The following GRM5 variants were observed in gnomAD, a reference collection of about 807,000 sequenced individuals.
GRM5 encodes glutamate metabotropic receptor 5, also known as metabotropic glutamate receptor 5.
GRM5 carries 19 observed loss-of-function variants against 83.1 expected under a neutral mutation model. The ratio of observed to expected loss-of-function variants is 0.23; its 90% CI spans 0.16 to 0.34. The LOEUF (loss-of-function observed/expected upper bound fraction) is 0.34. GRM5 is among the 10% of genes least tolerant of loss of function. The pLI is 1.00. For missense variants in GRM5, 1,160 were observed against 1,588.3 expected (o/e 0.73, Z 4.58); for synonymous variants, 675 against 633.6 (o/e 1.07, Z -0.98).
chr11:88,778,827 T>C (rs1942914982), intron 3 of GRM5, among the ~76,000 whole-genome samples: 1 of 152,172 alleles, frequency 6.6e-6, no homozygotes, highest in Non-Finnish European at 1.5e-5. Context: ...GAGAAGAGTT[T>C]TTTCAAGTTA....
At position 88,698,785 on chromosome 11, in the gene GRM5, T is replaced by C. The variant is rs199679632; in HGVS notation, c.912-45382A>G. Among the ~76,000 whole-genome samples, 621 of 152,324 alleles carry C rather than the reference T, an allele frequency of 4.1e-3. 13 individuals are homozygous for C. In the East Asian group the frequency reaches 0.062, roughly 15 times the overall value. On this transcript the variant is annotated intron_variant, in intron 3 of 9. Coordinates refer to ENST00000305447, the MANE Select transcript of GRM5 (RefSeq NM_001143831.3). ...TGGTCAAATTTTCAGGTCTTGGCAT[T>C]GCTCCTGGTACAGAGAAGACATCCA...
chr11:88,848,113 T>C (rs752297895), intron 3 of GRM5, among the ~76,000 whole-genome samples: 15 of 152,328 alleles, frequency 9.8e-5, no homozygotes, highest in Non-Finnish European at 1.8e-4. Flanking sequence ...TTATTTTTAC[T>C]GCAGTGGTAA....
At chr11:88,747,928 C>A (rs1424598746) in intron 3 of GRM5, among the ~76,000 whole-genome samples, 1 of 152,114 alleles carries the variant, frequency 6.6e-6, no homozygotes, top group Non-Finnish European at 1.5e-5. Context: ...GAATTCAGCA[C>A]CTTCGACTGA....
At chr11:88,819,355 T>C (rs1943746542) in intron 3 of GRM5, among the ~76,000 whole-genome samples, 1 of 152,230 alleles carries the variant, frequency 6.6e-6, no homozygotes, top group Non-Finnish European at 1.5e-5. Flanking sequence ...GCAGTAGATA[T>C]GCTACTGAAG....
chr11:88,870,719 T>C (rs1944752010), intron 2 of GRM5, among the ~76,000 whole-genome samples: 2 of 151,356 alleles, frequency 1.3e-5, no homozygotes, highest in South Asian at 4.2e-4. Flanking sequence ...AAAACGACAT[T>C]TTGGACTCAA....
chr11:89,013,494 T>A (rs930514350), intron 2 of GRM5, among the ~76,000 whole-genome samples: 3 of 152,182 alleles, frequency 2.0e-5, no homozygotes, highest in Non-Finnish European at 4.4e-5. Context: ...TTGGTCAGAA[T>A]CCTGATGGTG....
intron 5 of GRM5, among the ~76,000 whole-genome samples, chr11:88,602,198 A>G (rs1938018774): frequency 6.6e-6 from 1 of 152,078 alleles, no homozygotes; most frequent in Non-Finnish European, 1.5e-5. Flanking sequence ...CAATGTGAAT[A>G]TTCGTATGTT....
chr11:88,720,395 C>T (rs993797714), intron 3 of GRM5, among the ~76,000 whole-genome samples: 1 of 152,014 alleles, frequency 6.6e-6, no homozygotes, highest in South Asian at 2.1e-4. Flanking sequence ...CATTTTATTA[C>T]ATATAAATAA....
intron 4 of GRM5, among the ~76,000 whole-genome samples, chr11:88,644,467 A>C (rs1231965736): frequency 6.6e-6 from 1 of 152,192 alleles, no homozygotes; most frequent in Non-Finnish European, 1.5e-5. Flanking sequence ...AATTTAATGG[A>C]GAAAGATGAA....
At chr11:88,624,885 C>G (rs1938748688) in intron 4 of GRM5, among the ~76,000 whole-genome samples, 1 of 152,066 alleles carries the variant, frequency 6.6e-6, no homozygotes, top group African/African-American at 2.4e-5. Context: ...TTCCTCTGTG[C>G]TAGAGACAGA....
chr11:89,057,021 A>G (rs1437794231), intron 1 of GRM5, among the ~76,000 whole-genome samples: 2 of 152,206 alleles, frequency 1.3e-5, no homozygotes, highest in Non-Finnish European at 2.9e-5. Context: ...TGCAATCTAC[A>G]CTATATAATC....
Position 88,809,619 on chromosome 11 carries a change from A to T in GRM5, c.911+40287T>A, listed in dbSNP as rs148993888. On this transcript the variant is annotated intron_variant, in intron 3 of 9. Transcript: ENST00000305447. Reference sequence around the variant, plus strand: ...ACCAAGTTAATGACTGGTAAAGATAATAAACATACACTTGGGCAATTTGGG... The same window carrying T: ...ACCAAGTTAATGACTGGTAAAGATATTAAACATACACTTGGGCAATTTGGG... Among the ~76,000 whole-genome samples, 6 of 152,214 alleles carry T rather than the reference A, an allele frequency of 3.9e-5. No individual in the cohort carries two copies. In the East Asian group the frequency reaches 1.2e-3, roughly 29 times the overall value.
intron 9 of GRM5, among the ~76,000 whole-genome samples, chr11:88,517,111 TA>T (rs1449815751): frequency 1.4e-5 from 2 of 143,660 alleles, no homozygotes; most frequent in African/African-American, 5.3e-5. Context: ...CTTACAATTG[TA>T]ATATATTGGC....
chr11:88,882,643 T>C (rs1222715267), intron 2 of GRM5, among the ~76,000 whole-genome samples: 1 of 152,152 alleles, frequency 6.6e-6, no homozygotes, highest in Non-Finnish European at 1.5e-5. Context: ...ACAATTTATT[T>C]ATTATATTAA....
intron 7 of GRM5, among the ~76,000 whole-genome samples, chr11:88,585,794 C>A (rs1256146879): frequency 6.6e-6 from 1 of 152,116 alleles, no homozygotes; most frequent in Non-Finnish European, 1.5e-5. Context: ...GGCAGGGATC[C>A]TCTTTATCCT....
At chr11:88,588,370 A>C (rs1591366935) in intron 7 of GRM5, among the ~76,000 whole-genome samples, 2 of 152,272 alleles carry the variant, frequency 1.3e-5, no homozygotes, top group East Asian at 3.9e-4. Flanking sequence ...CAAAATAATA[A>C]ACTGTGCCAT....
chr11:88,799,474 A>G (rs1251940215), intron 3 of GRM5, among the ~76,000 whole-genome samples: 1 of 152,140 alleles, frequency 6.6e-6, no homozygotes, highest in African/African-American at 2.4e-5. Flanking sequence ...ATGTGAGTGC[A>G]TGGAAATTTT....
At chr11:88,535,885 C>T (rs1942120634) in intron 8 of GRM5, among the ~76,000 whole-genome samples, 1 of 151,934 alleles carries the variant, frequency 6.6e-6, no homozygotes, top group African/African-American at 2.4e-5. Context: ...CTGTATGTAC[C>T]ATTTATATAA....
At chr11:88,717,943 C>T (rs1414477637) in intron 3 of GRM5, among the ~76,000 whole-genome samples, 1 of 151,696 alleles carries the variant, frequency 6.6e-6, no homozygotes, top group Non-Finnish European at 1.5e-5. Flanking sequence ...TAAGGAAATA[C>T]ATCAAAATAA....
Sources: allele counts gnomAD v4.1 joint callset (sites outside exome capture counted in the v4.1 genomes callset), GRCh38; gene constraint gnomAD v4.1.1; transcripts MANE v1.5; gene names NCBI Gene and HGNC (gene_info 2026-07-23, HGNC 2026-07-21).